Variants in NALF1 observed in about 807,000 individuals in gnomAD.
The protein encoded by NALF1 is family with sequence similarity 155 member A.
NALF1 carries 3 observed loss-of-function variants against 48.4 expected under a neutral mutation model. The observed-to-expected ratio is 0.06, with a 90% confidence interval of 0.03 to 0.16. The LOEUF is 0.16. NALF1 is among the 10% of genes least tolerant of loss of function. NALF1 has a pLI of 1.00. For missense variants in NALF1, 526 were observed against 571.5 expected (o/e 0.92, Z 0.81); for synonymous variants, 262 against 245.7 (o/e 1.07, Z -0.62).
rs528160891 is a variant in NALF1 at position 107,456,629 on chromosome 13, T to G, written c.916-245874A>C. Among the ~76,000 whole-genome samples, 5 of 152,332 alleles carry G rather than the reference T, an allele frequency of 3.3e-5. No homozygotes were observed. The South Asian group carries it at 1.0e-3, about 32-fold the overall frequency. On this transcript the variant is annotated intron_variant, in intron 1 of 2. Coordinates refer to ENST00000375915, the MANE Select transcript of NALF1 (RefSeq NM_001080396.3). ...TTATTTTCATGGATGATATGTAATG[T>G]GCTGCCAACACTCTGACCTCTCGTT...
At chr13:107,638,770 C>A (rs1405628133) in intron 1 of NALF1, among the ~76,000 whole-genome samples, 2 of 152,078 alleles carry the variant, frequency 1.3e-5, no homozygotes, top group African/African-American at 2.4e-5. Context: ...GCTCTCTGGG[C>A]AGAGGAACTG....
At chr13:107,401,936 A>T (rs907981863) in intron 1 of NALF1, among the ~76,000 whole-genome samples, 1 of 152,174 alleles carries the variant, frequency 6.6e-6, no homozygotes, top group Non-Finnish European at 1.5e-5. Context: ...CATTACACTC[A>T]TATCATTTCT....
At chr13:107,672,634 T>G (rs146996574) in intron 1 of NALF1, among the ~76,000 whole-genome samples, 87 of 152,314 alleles carry the variant, frequency 5.7e-4, no homozygotes, top group African/African-American at 2.1e-3. Context: ...AATCTGTGAT[T>G]CTTTCACATT....
At chr13:107,474,238 C>T (rs1885145092) in intron 1 of NALF1, among the ~76,000 whole-genome samples, 1 of 152,154 alleles carries the variant, frequency 6.6e-6, no homozygotes, top group African/African-American at 2.4e-5. Flanking sequence ...CTAAATTTCC[C>T]TTTTCAAGGG....
At chr13:107,230,270 A>G (rs1349384450) in intron 1 of NALF1, among the ~76,000 whole-genome samples, 1 of 152,200 alleles carries the variant, frequency 6.6e-6, no homozygotes, top group South Asian at 2.1e-4. Flanking sequence ...TAGAAATTCT[A>G]GATTTTAAAC....
intron 1 of NALF1, among the ~76,000 whole-genome samples, chr13:107,624,310 G>A (rs1879608261): frequency 6.6e-6 from 1 of 152,116 alleles, no homozygotes; most frequent in Non-Finnish European, 1.5e-5. Context: ...GGATAGTGGG[G>A]AGCAAGGATG....
At chr13:107,319,283 G>A (rs1035303328) in intron 1 of NALF1, among the ~76,000 whole-genome samples, 5 of 152,092 alleles carry the variant, frequency 3.3e-5, no homozygotes, top group East Asian at 1.9e-4. Context: ...ACAGAAGAAC[G>A]CTGTGATTAG....
chr13:107,818,226 C>A (rs1566494090), intron 1 of NALF1, among the ~76,000 whole-genome samples: 1 of 152,114 alleles, frequency 6.6e-6, no homozygotes, highest in Admixed American at 6.5e-5. Flanking sequence ...GTTAGACACA[C>A]GGAGGGGCTG....
intron 1 of NALF1, among the ~76,000 whole-genome samples, chr13:107,635,162 T>A (rs1879941037): frequency 6.6e-6 from 1 of 152,148 alleles, no homozygotes; most frequent in Non-Finnish European, 1.5e-5. Flanking sequence ...CAAATTCCTT[T>A]AGGTATTGAT....
At chr13:107,463,010 T>C (rs1884944455) in intron 1 of NALF1, among the ~76,000 whole-genome samples, 1 of 152,110 alleles carries the variant, frequency 6.6e-6, no homozygotes. Context: ...CACATGGATG[T>C]GCATAGGATG....
chr13:107,204,726 T>C (rs1302268353), intron 2 of NALF1, among the ~76,000 whole-genome samples: 1 of 152,224 alleles, frequency 6.6e-6, no homozygotes, highest in Non-Finnish European at 1.5e-5. Flanking sequence ...TTTTAAATTT[T>C]ATTCTGGGCA....
chr13:107,841,484 G>T (rs375780580), intron 1 of NALF1, among the ~76,000 whole-genome samples: 18 of 152,140 alleles, frequency 1.2e-4, no homozygotes, highest in African/African-American at 4.3e-4. Flanking sequence ...GGAAAAAAGG[G>T]GGAAATCCCC....
At chr13:107,737,683 A>G (rs1224583764) in intron 1 of NALF1, among the ~76,000 whole-genome samples, 6 of 152,182 alleles carry the variant, frequency 3.9e-5, no homozygotes, top group Admixed American at 3.9e-4. Context: ...AGCTCAAGGG[A>G]CGGGAATAGA....
chr13:107,850,835 A>G (rs1423067265), intron 1 of NALF1, among the ~76,000 whole-genome samples: 1 of 152,074 alleles, frequency 6.6e-6, no homozygotes, highest in Non-Finnish European at 1.5e-5. Flanking sequence ...CCCAGGAGGC[A>G]GAGGTTGCAG....
intron 1 of NALF1, chr13:107,789,101 C>A (rs1878157481): frequency 6.6e-6 from 1 of 152,008 alleles, no homozygotes; most frequent in African/African-American, 2.4e-5. Flanking sequence ...GGATCACAGG[C>A]TTATCTGAAC....
At chr13:107,347,947 T>C (rs566546570) in intron 1 of NALF1, among the ~76,000 whole-genome samples, 1 of 152,282 alleles carries the variant, frequency 6.6e-6, no homozygotes, top group African/African-American at 2.4e-5. Context: ...CAGCCTGGAC[T>C]TGGGTCTCGC....
intron 1 of NALF1, among the ~76,000 whole-genome samples, chr13:107,222,257 A>C (rs1400129302): frequency 6.6e-6 from 1 of 152,226 alleles, no homozygotes; most frequent in South Asian, 2.1e-4. Flanking sequence ...TCTGTGGCTT[A>C]CTATTCCCCA....
At chr13:107,678,383 G>C (rs1203018534) in intron 1 of NALF1, among the ~76,000 whole-genome samples, 1 of 152,130 alleles carries the variant, frequency 6.6e-6, no homozygotes, top group African/African-American at 2.4e-5. Context: ...CTATATAAAT[G>C]TTTACAGGGC....
chr13:107,315,521 C>G (rs557918736), intron 1 of NALF1, among the ~76,000 whole-genome samples: 1 of 152,238 alleles, frequency 6.6e-6, no homozygotes, highest in Non-Finnish European at 1.5e-5. Context: ...ATGTAAAATA[C>G]ATAAAAACTA....
Sources: allele counts gnomAD v4.1 joint callset (sites outside exome capture counted in the v4.1 genomes callset), GRCh38; gene constraint gnomAD v4.1.1; transcripts MANE v1.5; gene names NCBI Gene and HGNC (gene_info 2026-07-23, HGNC 2026-07-21).